Variants in HLTF observed in about 807,000 individuals in gnomAD.
HLTF encodes helicase like transcription factor, also known as DNA-dependent ATPase/E3 ubiquitin-protein ligase HLTF.
HLTF carries 127 observed loss-of-function variants against 129.4 expected under a neutral mutation model. The observed-to-expected ratio is 0.98, with a 90% confidence interval of 0.85 to 1.14. The LOEUF (loss-of-function observed/expected upper bound fraction) is 1.14, where lower values mean the gene tolerates loss of function less well. Ranked by LOEUF, HLTF falls within the 50% of genes most tolerant of loss-of-function variation. HLTF has a pLI of 0.00. For missense variants in HLTF, 1,139 were observed against 1,187.1 expected, an observed-to-expected ratio of 0.96 and a Z score of 0.60; for synonymous variants, 332 against 388.8, an observed-to-expected ratio of 0.85 and a Z score of 1.72.
intron 18 of HLTF, 105 bp from the exon 19 acceptor site, chr3:149,042,395 T>G: frequency 1.1e-6 from 1 of 946,420 alleles, no homozygotes; most frequent in Non-Finnish European, 1.6e-6. Context: ...CTCTAGAAAT[T>G]ACTCCAAAAC....
chr3:149,077,646 A>G (rs147573719), intron 2 of HLTF, among the ~76,000 whole-genome samples: 8 of 151,636 alleles, frequency 5.3e-5, no homozygotes, highest in Non-Finnish European at 1.2e-4. Context: ...ATTTCTGGAT[A>G]TCTAGAAGGC....
rs1271914132 is a variant in HLTF, at chr3:149,068,452, TG to T, written c.895-118del. 5 of 538,262 alleles carry T rather than the reference TG, an allele frequency of 9.3e-6. No individual in the cohort carries two copies. The African/African-American group carries it at 9.6e-5, about 10-fold the overall frequency. The allele number at this position is 538,262 out of a possible 1,614,324, so 33.3% of individuals were successfully genotyped here. On this transcript the variant is annotated intron_variant, in intron 7 of 24. Transcript: ENST00000310053. ...CAAATATCATTCAAGGTCACAAAAG[TG>T]TACTGTATATTAATGAAAAATGAGT...
intron 7 of HLTF, among the ~76,000 whole-genome samples, chr3:149,068,768 C>A (rs965429092): frequency 1.3e-5 from 2 of 152,116 alleles, no homozygotes; most frequent in Non-Finnish European, 2.9e-5. Context: ...GTCATAACTT[C>A]TCCATAAAGC....
At position 149,030,448 on chromosome 3, in the gene HLTF, T is replaced by C. The variant is rs1182903251; in HGVS notation, c.*1772A>G. On this transcript the variant is annotated 3_prime_UTR_variant, in exon 25 of 25. Transcript: ENST00000310053. The stretch of plus-strand genomic sequence containing the variant: ...TATGAGTGTGTTTTAAAAACAACTT[T>C]GTAAATGTCTGGGCAAAGAAGCAAG... 6.6e-6 allele frequency: 1 copy of C among 151,142 alleles called. No homozygotes were observed. The highest frequency in any genetic ancestry group is 1.5e-5 in the Non-Finnish European group (1 of 67,698). 9.4% of individuals were successfully genotyped at this position (151,142 alleles called of 1,614,324 possible).
At chr3:149,067,457 T>C (rs1718484271) in intron 8 of HLTF, among the ~76,000 whole-genome samples, 1 of 152,166 alleles carries the variant, frequency 6.6e-6, no homozygotes, top group African/African-American at 2.4e-5. Context: ...CTATATCGTT[T>C]AACTGTTCCC....
chr3:149,030,330 A>C lies in HLTF; in HGVS notation c.*1890T>G, dbSNP rs2107929946. ...TTATCCTTCTTAGGAAGGACAAATT[A>C]AATTTTTTAAATTAAACTTTTAAAA... is the stretch of plus-strand genomic sequence containing the variant. On this transcript the variant is annotated 3_prime_UTR_variant, in exon 25 of 25. Coordinates refer to ENST00000310053, the MANE Select transcript of HLTF (RefSeq NM_003071.4). The C allele has an allele frequency of 6.6e-6, 1 of 152,322 alleles. No homozygotes were observed. Among genetic ancestry groups the C allele is most frequent in the Middle Eastern group, 3.4e-3 (1 of 294 alleles). The allele number at this position is 152,322 out of a possible 1,614,324, so 9.4% of individuals were successfully genotyped here.
rs761590419 is a variant in HLTF, at chr3:149,071,613, ATCT to A, written c.669_671del (p.Glu223del). On this transcript the variant is annotated inframe_deletion, in exon 6 of 25. Transcript: ENST00000310053. ...CTGGTTCCATTTCATGGGTTTTATC[ATCT>A]TCTTTTAAATCTTCAAACAATTTGT... 17 of 1,597,828 alleles carry A rather than the reference ATCT, an allele frequency of 1.1e-5. No homozygotes were observed. The highest frequency in any genetic ancestry group is 1.8e-4 in the Middle Eastern group (1 of 5,640).
intron 2 of HLTF, among the ~76,000 whole-genome samples, chr3:149,079,463 CTATCTCATTAAAAAGTATATAAT>C (rs1719691764): frequency 6.9e-6 from 1 of 145,288 alleles, no homozygotes. Context: ...AATTTTTGTC[CTATCTCATTAAAAAGTATATAAT>C]TATAAATCTT....
In HLTF at chr3:149,067,975, G is replaced by T. The variant is rs879322472; in HGVS notation, c.990+265C>A. ...CCTGGACAACATGGCGAAATCCCAC[G>T]ACTTGAGCCTGGGAAGCAGAGGTTA... On this transcript the variant is annotated intron_variant, in intron 8 of 24. Coordinates refer to ENST00000310053, the MANE Select transcript of HLTF (RefSeq NM_003071.4). 7.2e-5 allele frequency among the ~76,000 whole-genome samples: 11 copies of T among 152,002 alleles called. No individual in the cohort carries two copies. The East Asian group carries it at 2.1e-3, about 29-fold the overall frequency.
At chr3:149,070,646 A>G (rs1042451788) in intron 7 of HLTF, among the ~76,000 whole-genome samples, 5 of 152,230 alleles carry the variant, frequency 3.3e-5, no homozygotes. Flanking sequence ...TGCATAACAC[A>G]ATATTTGTGA....
At chr3:149,037,975 A>G (rs1039981391) in intron 23 of HLTF, among the ~76,000 whole-genome samples, 2 of 152,222 alleles carry the variant, frequency 1.3e-5, no homozygotes, top group Non-Finnish European at 2.9e-5. Flanking sequence ...TGCCTGTACT[A>G]CACAACCACA....
intron 14 of HLTF, among the ~76,000 whole-genome samples, chr3:149,054,864 G>A (rs1347272919): frequency 6.6e-6 from 1 of 152,148 alleles, no homozygotes; most frequent in Non-Finnish European, 1.5e-5. Flanking sequence ...AGAATTAAAT[G>A]AGAAAAATCC....
chr3:149,045,138 T>C (rs907292395), intron 18 of HLTF, among the ~76,000 whole-genome samples: 5 of 152,162 alleles, frequency 3.3e-5, no homozygotes, highest in African/African-American at 1.2e-4. Flanking sequence ...GTTCATACTA[T>C]CCAGCCACAC....
Position 149,040,173 on chromosome 3 carries a change from G to A in HLTF, c.2377-17C>T, listed in dbSNP as rs186474099. On this transcript the variant is annotated splice_polypyrimidine_tract_variant and intron_variant, in intron 20 of 24. Transcript: ENST00000310053. ...AGCATGTGGCTATATAAGAAAGAAC[G>A]AAGTATGAGCAACACTTAACAGAAG... 6.6e-5 allele frequency: 106 copies of A among 1,597,680 alleles called. 1 individual carries two copies. Among genetic ancestry groups the A allele is most frequent in the Admixed American group, 4.8e-4 (28 of 58,478 alleles).
At chr3:149,039,926 TA>T in intron 21 of HLTF, 104 bp downstream of exon 21, 1 of 1,060,358 alleles carries the variant, frequency 9.4e-7, no homozygotes, top group Non-Finnish European at 1.3e-6. Flanking sequence ...AACAGAACAC[TA>T]AAATGACAGG....
chr3:149,060,959 CATTT>C (rs1717892130), intron 10 of HLTF, 101 bp from the exon 11 acceptor site: 2 of 812,856 alleles, frequency 2.5e-6, no homozygotes, highest in Non-Finnish European at 3.9e-6. Flanking sequence ...TTGTCCTACT[CATTT>C]ATTTTTTGAA....
chr3:149,074,068 A>G, intron 4 of HLTF, 147 bp downstream of exon 4: 1 of 637,588 alleles, frequency 1.6e-6, no homozygotes, highest in South Asian at 3.0e-5. Context: ...GAAAAATCAG[A>G]GATTTCCTCA....
chr3:149,050,056 T>C (rs547713638), intron 15 of HLTF, among the ~76,000 whole-genome samples, 176 bp downstream of exon 15: 1 of 150,516 alleles, frequency 6.6e-6, no homozygotes, highest in South Asian at 2.1e-4. Context: ...CTAAATAAAA[T>C]GCAACCCTTT....
chr3:149,048,636 G>A (rs553753484), intron 16 of HLTF, among the ~76,000 whole-genome samples: 1 of 152,090 alleles, frequency 6.6e-6, no homozygotes, highest in Non-Finnish European at 1.5e-5. Flanking sequence ...CATTTCCAAG[G>A]TTCAAGAATA....
Sources: allele counts gnomAD v4.1 joint callset (sites outside exome capture counted in the v4.1 genomes callset), GRCh38; gene constraint gnomAD v4.1.1; transcripts MANE v1.5; gene names NCBI Gene and HGNC (gene_info 2026-07-23, HGNC 2026-07-21).